TCHH: variants seen among roughly 807,000 people sequenced by gnomAD.
The protein encoded by TCHH is trichohyalin.
TCHH carries 6 observed loss-of-function variants against 6.3 expected under a neutral mutation model. The observed-to-expected ratio is 0.95, with a 90% CI of 0.52 to 1.88. TCHH has a LOEUF of 1.88. Among genes scored for constraint, TCHH ranks in the 40% most tolerant of loss-of-function variants. The pLI is 0.01. For missense variants in TCHH, 2,920 were observed against 2,449.1 expected (o/e 1.19, Z -4.06); for synonymous variants, 1,087 against 963.6 (o/e 1.13, Z -2.37).
chr1:152,110,936 CTTCCTGCTGCTGCCGGTGAGCCCG>C lies in TCHH; in HGVS notation c.2257_2280del (p.Arg753_Glu760del), dbSNP rs773944035. ...CATGTGAAGTCCCGGCGCTGCTCCT[CTTCCTGCTGCTGCCGGTGAGCCCG>C]TTCCTCCTCCTGCCATTGCAGCTCA... On this transcript the variant is annotated inframe_deletion, in exon 3 of 3. Transcript: ENST00000614923. The C allele has an allele frequency of 1.2e-5, 20 of 1,613,310 alleles. No individual in the cohort carries two copies. Among genetic ancestry groups the C allele is most frequent in the Non-Finnish European group, 1.7e-5 (20 of 1,180,014 alleles).
chr1:152,107,701 T>C lies in TCHH; in HGVS notation c.5516A>G (p.Gln1839Arg), dbSNP rs1344249880. 4 of 1,614,240 alleles carry C rather than the reference T, an allele frequency of 2.5e-6. No individual in the cohort carries two copies. Among genetic ancestry groups the C allele is most frequent in the Non-Finnish European group, 2.5e-6 (3 of 1,180,050 alleles). The change falls in exon 3 of 3, where the codon CAG becomes CGG. Residue 1839 changes from glutamine (Q) to arginine (R), a missense_variant. Physicochemically the swap from Gln to Arg is conservative, Grantham distance 43. Transcript: ENST00000614923. The part of the protein sequence containing the change: ...QLEEQEQRLR[Q>R]ERDRQYRAEE... ...CGCCCGGTACTGCCGGTCTCGCTCC[T>C]GCCGCAGCCTCTGCTCTTGTTCCTC...
In TCHH at chr1:152,109,393, T is replaced by C; in HGVS notation, c.3824A>G (p.Gln1275Arg). The change falls in exon 3 of 3, where the codon CAA (glutamine) becomes CGA (arginine). Residue 1275 changes from glutamine to arginine, a missense_variant. Transcript: ENST00000614923. ...CCTCTCTTGCTCACGATCTCGCTCT[T>C]GCTGTTCACCCAGCAGGTGCTGCAG... ...QDLQHLLGEQQERDREQERRR... is the reference protein window; with the variant it reads ...QDLQHLLGEQRERDREQERRR... The C allele has an allele frequency of 5.0e-6, 8 of 1,614,282 alleles. No homozygotes were observed. Among genetic ancestry groups the C allele is most frequent in the Non-Finnish European group, 6.8e-6 (8 of 1,180,044 alleles).
At position 152,108,700 on chromosome 1, in the gene TCHH, T is replaced by C; in HGVS notation, c.4517A>G (p.Gln1506Arg). ...RQERDRKFRE[Q>R]ELRSQEPERK... Reference sequence around the variant, plus strand: ...CTCTGGTTCCTGACTGCGCAGTTCCTGTTCGCGGAATTTTCTGTCACGCTC... The same window carrying C: ...CTCTGGTTCCTGACTGCGCAGTTCCCGTTCGCGGAATTTTCTGTCACGCTC... Residue 1506 changes from glutamine (Q) to arginine (R), a missense_variant, in exon 3 of 3, where the codon CAG (glutamine) becomes CGG (arginine). By Grantham distance (43) the Gln-to-Arg change is conservative (BLOSUM62 1). Coordinates refer to ENST00000614923, the MANE Select transcript of TCHH (RefSeq NM_007113.4). 1 of 1,613,528 alleles carries C rather than the reference T, an allele frequency of 6.2e-7. No homozygotes were observed. The highest frequency in any genetic ancestry group is 8.5e-7 in the Non-Finnish European group (1 of 1,179,896).
Position 152,110,343 on chromosome 1 carries a change from C to G in TCHH, c.2874G>C (p.Arg958Ser), listed in dbSNP as rs1300114089. 3 of 1,610,944 alleles carry G rather than the reference C, an allele frequency of 1.9e-6. No homozygotes were observed. Among genetic ancestry groups the G allele is most frequent in the Non-Finnish European group, 2.5e-6 (3 of 1,178,836 alleles). Residue 958 changes from arginine (R) to serine (S), a missense_variant, in exon 3 of 3, where the codon AGG becomes AGC. Physicochemically the swap from Arg to Ser is moderately radical, Grantham distance 110. Coordinates refer to ENST00000614923, the MANE Select transcript of TCHH (RefSeq NM_007113.4). The stretch of plus-strand genomic sequence containing the variant: ...GCAGCTTCTTATCCTTCCGATATTG[C>G]CTTTCCCGCTCCTGGCGTCTTCTTT... Reference protein sequence around the residue: ...REKRRRQERERQYRKDKKLQQ... With the variant: ...REKRRRQERESQYRKDKKLQQ...
Position 152,111,657 on chromosome 1 carries a change from C to G in TCHH, c.1560G>C (p.Lys520Asn). Residue 520 changes from lysine to asparagine, a missense_variant, in exon 3 of 3, where the codon AAG becomes AAC. Coordinates refer to ENST00000614923, the MANE Select transcript of TCHH (RefSeq NM_007113.4). Reference sequence around the variant, plus strand: ...GGAGCCTCTCTTCCTCCTCCTGGCGCTTCAGCCGCTGCTCGCGCCTCTCCT... The same window carrying G: ...GGAGCCTCTCTTCCTCCTCCTGGCGGTTCAGCCGCTGCTCGCGCCTCTCCT... ...EQEERREQRL[K>N]RQEEEERLQQ... is the part of the protein sequence containing the mutation. The G allele has an allele frequency of 6.4e-7, 1 of 1,552,322 alleles. No homozygotes were observed. The highest frequency in any genetic ancestry group is 8.8e-7 in the Non-Finnish European group (1 of 1,133,560).
Position 152,107,665 on chromosome 1 carries a change from A to C in TCHH, c.5552T>G (p.Phe1851Cys). The change falls in exon 3 of 3, where the codon TTT becomes TGT. Residue 1851 changes from phenylalanine to cysteine, a missense_variant. Coordinates refer to ENST00000614923, the MANE Select transcript of TCHH (RefSeq NM_007113.4). ...RDRQYRAEEQ[F>C]ATQEKSRREE... ...ACGACGACTCTTCTCCTGCGTGGCAAACTGCTCCTCCGCCCGGTACTGCCG... is the reference window on the plus strand; with the variant it reads ...ACGACGACTCTTCTCCTGCGTGGCACACTGCTCCTCCGCCCGGTACTGCCG... 6.2e-7 allele frequency: 1 copy of C among 1,613,462 alleles called. No individual in the cohort carries two copies. Among genetic ancestry groups the C allele is most frequent in the Non-Finnish European group, 8.5e-7 (1 of 1,180,012 alleles).
rs756096456 is a variant in TCHH at position 152,111,954 on chromosome 1, G to A, written c.1263C>T (p.Arg421=). 6.5e-7 allele frequency: 1 copy of A among 1,541,152 alleles called. No individual in the cohort carries two copies. The highest frequency in any genetic ancestry group is 8.6e-7 in the Non-Finnish European group (1 of 1,156,892). Residue 421 remains arginine (R), a synonymous_variant, in exon 3 of 3, where the codon CGC becomes CGT. Coordinates refer to ENST00000614923, the MANE Select transcript of TCHH (RefSeq NM_007113.4). ...CCTGCTCGCGCCTCAGCTGCTGCTC[G>A]CGCCTCAGCTGCTGCTCGCGCCTCA... ...QQLRREQQLR[R]EQQLRREQEE... is the part of the protein sequence containing the mutation.
Position 152,110,531 on chromosome 1 carries a change from G to C in TCHH, c.2686C>G (p.Gln896Glu), listed in dbSNP as rs540423427. ...TGCTGTTCCTTCCTCAGCTGCTCTT[G>C]TAGGGCTGGCTTGGCGTACAGCGTG... ...RHTLYAKPAL[Q>E]EQLRKEQQLL... is the part of the protein sequence containing the mutation. The change falls in exon 3 of 3, where the codon CAA (glutamine) becomes GAA (glutamate). Residue 896 changes from glutamine (Q) to glutamate (E), a missense_variant. Gln to Glu is a conservative substitution (Grantham distance 29). Coordinates refer to ENST00000614923, the MANE Select transcript of TCHH (RefSeq NM_007113.4). The C allele has an allele frequency of 1.2e-6, 2 of 1,614,074 alleles. No individual in the cohort carries two copies. The highest frequency in any genetic ancestry group is 2.2e-5 in the South Asian group (2 of 91,086).
Position 152,111,740 on chromosome 1 carries a change from C to T in TCHH, c.1477G>A (p.Glu493Lys). Residue 493 changes from glutamate to lysine, a missense_variant, in exon 3 of 3, where the codon GAG becomes AAG. Transcript: ENST00000614923. ...TCCTGCTGCTCGCGCCTCTCCTCCT[C>T]CTCGAGCTTCAGCCAACGTTCGCGC... Reference protein sequence around the residue: ...ERRERWLKLEEEERREQQERR... With the variant: ...ERRERWLKLEKEERREQQERR... The T allele has an allele frequency of 7.4e-7, 1 of 1,351,374 alleles. No homozygotes were observed. Among genetic ancestry groups the T allele is most frequent in the Non-Finnish European group, 9.9e-7 (1 of 1,007,088 alleles). The allele number at this position is 1,351,374 out of a possible 1,614,324, so 83.7% of individuals were successfully genotyped here.
In TCHH at chr1:152,110,840, G is replaced by C. The variant is rs1658313389; in HGVS notation, c.2377C>G (p.Gln793Glu). The C allele has an allele frequency of 1.2e-6, 2 of 1,609,428 alleles. No individual in the cohort carries two copies. The highest frequency in any genetic ancestry group is 1.3e-5 in the African/African-American group (1 of 74,802). Residue 793 changes from glutamine to glutamate, a missense_variant, in exon 3 of 3, where the codon CAG becomes GAG. By Grantham distance (29) the Gln-to-Glu change is conservative. Transcript: ENST00000614923. ...TCGGCCCTCAGCTGCCTCTCCCGCT[G>C]CTCCCGCAATGGGGGCCTGGCCGAC... ...RLSARPPLRE[Q>E]RERQLRAEER... is the part of the protein sequence containing the mutation.
chr1:152,109,288 C>A lies in TCHH; in HGVS notation c.3929G>T (p.Arg1310Leu). 1 of 1,614,214 alleles carries A rather than the reference C, an allele frequency of 6.2e-7. No homozygotes were observed. Among genetic ancestry groups the A allele is most frequent in the Non-Finnish European group, 8.5e-7 (1 of 1,180,036 alleles). ...EREEQKEAKR[R>L]DRKSQEEKQL... is the part of the protein sequence containing the mutation. ...CTTTTCCTCTTGGGACTTCCTGTCG[C>A]GCCTTTTGGCTTCCTTTTGCTCTTC... is the stretch of plus-strand genomic sequence containing the variant. The change falls in exon 3 of 3, where the codon CGC (arginine) becomes CTC (leucine). Residue 1310 changes from arginine (R) to leucine (L), a missense_variant. Transcript: ENST00000614923.
At position 152,112,441 on chromosome 1, in the gene TCHH, T is replaced by G. The variant is rs755780360; in HGVS notation, c.776A>C (p.Lys259Thr). ...CCGCTGCGGCTCCTCTTCCTGCAAC[T>G]TCTCTTCTTCCTTCCGGAGCACTGT... ...RETVLRKEEE[K>T]LQEEEPQRQR... The change falls in exon 3 of 3, where the codon AAG becomes ACG. Residue 259 changes from lysine (K) to threonine (T), a missense_variant. Physicochemically the swap from Lys to Thr is moderately conservative, Grantham distance 78. Coordinates refer to ENST00000614923, the MANE Select transcript of TCHH (RefSeq NM_007113.4). The G allele has an allele frequency of 1.1e-5, 18 of 1,613,744 alleles. No homozygotes were observed. The highest frequency in any genetic ancestry group is 1.4e-5 in the Non-Finnish European group (16 of 1,179,994).
In TCHH at chr1:152,109,297, G is replaced by C. The variant is rs1658235584; in HGVS notation, c.3920C>G (p.Ala1307Gly). Reference protein sequence around the residue: ...EQLEREEQKEAKRRDRKSQEE... With the variant: ...EQLEREEQKEGKRRDRKSQEE... ...TTGGGACTTCCTGTCGCGCCTTTTG[G>C]CTTCCTTTTGCTCTTCTCGCTCCAG... Residue 1307 changes from alanine (A) to glycine (G), a missense_variant, in exon 3 of 3, where the codon GCC becomes GGC. Transcript: ENST00000614923. 1 of 1,613,966 alleles carries C rather than the reference G, an allele frequency of 6.2e-7. No homozygotes were observed. Among genetic ancestry groups the C allele is most frequent in the Non-Finnish European group, 8.5e-7 (1 of 1,180,038 alleles).
In TCHH at chr1:152,111,889, C is replaced by T. The variant is rs574900017; in HGVS notation, c.1328G>A (p.Arg443His). ...RHEQKHEQER[R>H]EQRLKREQEE... ...CTGCTCGCGCTTCAGCCGCTGCTCG[C>T]GCCTCTCCTGCTCGTGCTTCTGCTC... Residue 443 changes from arginine to histidine, a missense_variant, in exon 3 of 3, where the codon CGC becomes CAC. Coordinates refer to ENST00000614923, the MANE Select transcript of TCHH (RefSeq NM_007113.4). 1 of 1,590,428 alleles carries T rather than the reference C, an allele frequency of 6.3e-7. No homozygotes were observed. Among genetic ancestry groups the T allele is most frequent in the African/African-American group, 1.4e-5 (1 of 69,832 alleles).
chr1:152,114,599 T>C (rs1230676788), intron 1 of TCHH, among the ~76,000 whole-genome samples: 1 of 152,204 alleles, frequency 6.6e-6, no homozygotes, highest in Non-Finnish European at 1.5e-5. Flanking sequence ...AAAGGGAATA[T>C]GAATGATTCC....
At position 152,110,480 on chromosome 1, in the gene TCHH, G is replaced by GCTCCTC; in HGVS notation, c.2731_2736dup (p.Glu911_Glu912dup). The GCTCCTC allele has an allele frequency of 6.2e-7, 1 of 1,613,814 alleles. No homozygotes were observed. The highest frequency in any genetic ancestry group is 8.5e-7 in the Non-Finnish European group (1 of 1,179,896). On this transcript the variant is annotated inframe_insertion, in exon 3 of 3. Coordinates refer to ENST00000614923, the MANE Select transcript of TCHH (RefSeq NM_007113.4). ...CTCTTCTCGCGCTCCTCTCTCTGTA[G>GCTCCTC]CTCCTCCTCCTCCTCCTGCAGCAGC...
In TCHH at chr1:152,110,187, CTT is replaced by C. The variant is rs1658281388; in HGVS notation, c.3028_3029del (p.Lys1010GlufsTer207). 1 of 1,607,106 alleles carries C rather than the reference CTT, an allele frequency of 6.2e-7. No homozygotes were observed. Among genetic ancestry groups the C allele is most frequent in the African/African-American group, 1.4e-5 (1 of 73,322 alleles). ...GCCTCTCCCACTCCTGGCGCCTTCTCTTCTCCCGTTCCTCTCTCAGCAGCTGC... is the reference window on the plus strand; with the variant it reads ...GCCTCTCCCACTCCTGGCGCCTTCTCCTCCCGTTCCTCTCTCAGCAGCTGC... Reference protein sequence around the residue: ...EEQLLREEREKRRRQEWERQY... With the variant: ...EEQLLREEREXRRRQEWERQY... On this transcript the variant is annotated frameshift_variant, in exon 3 of 3. Coordinates refer to ENST00000614923, the MANE Select transcript of TCHH (RefSeq NM_007113.4). LOFTEE classifies it low-confidence loss of function (END_TRUNC).
rs753843058 is a variant in TCHH, at chr1:152,109,550, G to C, written c.3667C>G (p.Leu1223Val). Residue 1223 changes from leucine to valine, a missense_variant, in exon 3 of 3, where the codon CTG becomes GTG. By Grantham distance (32) the Leu-to-Val change is conservative. Transcript: ENST00000614923. ...RYRDEDQRSDLKWQWEPEKEN... is the reference protein window; with the variant it reads ...RYRDEDQRSDVKWQWEPEKEN... ...TTTTCTGGTTCCCACTGCCATTTCA[G>C]ATCACTGCGCTGATCCTCATCCCGG... 2 of 1,614,236 alleles carry C rather than the reference G, an allele frequency of 1.2e-6. No homozygotes were observed. Among genetic ancestry groups the C allele is most frequent in the South Asian group, 2.2e-5 (2 of 91,088 alleles).
Position 152,110,611 on chromosome 1 carries a change from CG to C in TCHH, c.2605del (p.Arg869AlafsTer10). ...TTGCCACCTCCATTTTTGGTCGCGG[CG>C]CTGCTCCTGGCTTCGCCTCCTCTCC... is the stretch of plus-strand genomic sequence containing the variant. ...DQERRRSQEQ[R>X]RDQKWRWQLE... is the part of the protein sequence containing the mutation. On this transcript the variant is annotated frameshift_variant, in exon 3 of 3. Coordinates refer to ENST00000614923, the MANE Select transcript of TCHH (RefSeq NM_007113.4). LOFTEE classifies it low-confidence loss of function (END_TRUNC). 1 of 1,614,164 alleles carries C rather than the reference CG, an allele frequency of 6.2e-7. No individual in the cohort carries two copies. The highest frequency in any genetic ancestry group is 8.5e-7 in the Non-Finnish European group (1 of 1,180,032).
Sources: allele counts gnomAD v4.1 joint callset (sites outside exome capture counted in the v4.1 genomes callset), GRCh38; gene constraint gnomAD v4.1.1; transcripts MANE v1.5; gene names NCBI Gene and HGNC (gene_info 2026-07-23, HGNC 2026-07-21).